HMCN2: variants seen among roughly 807,000 people sequenced by gnomAD.
HMCN2 encodes the protein hemicentin 2, also known as hemicentin-2.
In HMCN2, 325 loss-of-function variants were observed where a neutral mutation model predicts 377.5. The observed-to-expected ratio is 0.86, with a 90% CI of 0.79 to 0.94. The LOEUF (loss-of-function observed/expected upper bound fraction) is 0.94, where lower values mean the gene tolerates loss of function less well. Ranked by LOEUF, HMCN2 falls within the 40% of genes least tolerant of loss-of-function variation. HMCN2 has a pLI of 0.00. For synonymous variants in HMCN2, 2,007 were observed against 2,046.8 expected (o/e 0.98, Z 0.53); for missense variants, 4,543 against 4,725.3 (o/e 0.96, Z 1.13).
At position 130,349,429 on chromosome 9, in the gene HMCN2, G is replaced by A. The variant is rs185200956; in HGVS notation, c.4304-108G>A. On this transcript the variant is annotated intron_variant, in intron 28 of 97. Transcript: ENST00000683500. ...TTGGGGGGCTTCCCAGGAAGGTCAG[G>A]TAGGAGGGGGGCCCAGGCTGGGGGG... 27 of 1,197,244 alleles carry A rather than the reference G, an allele frequency of 2.3e-5. 1 individual carries two copies. The East Asian group carries it at 1.5e-3, about 67-fold the overall frequency. The allele number at this position is 1,197,244 out of a possible 1,614,324, so 74.2% of individuals were successfully genotyped here.
At chr9:130,391,613 C>T in intron 65 of HMCN2, 39 bp downstream of exon 65, 4 of 986,040 alleles carry the variant, frequency 4.1e-6, no homozygotes, top group Non-Finnish European at 4.8e-6. Flanking sequence ...GATGCGTGGG[C>T]CTGGGCACGG....
chr9:130,377,760 G>A lies in HMCN2; in HGVS notation c.8173G>A (p.Ala2725Thr), dbSNP rs774144649. The A allele has an allele frequency of 1.7e-5, 17 of 985,828 alleles. No homozygotes were observed. Among genetic ancestry groups the A allele is most frequent in the Non-Finnish European group, 2.0e-5 (17 of 829,988 alleles). The allele number at this position is 985,828 out of a possible 1,614,324, so 61.1% of individuals were successfully genotyped here. The change falls in exon 53 of 98, where the codon GCT (alanine) becomes ACT (threonine). Residue 2725 changes from alanine to threonine, a missense_variant. This residue lies in a region of HMCN2 where 736 missense variants were observed against 773.2 expected (regional missense o/e 0.95). Coordinates refer to ENST00000683500, the MANE Select transcript of HMCN2 (RefSeq NM_001291815.2). ...GRYLCVATNV[A>T]GEDDQDFNVL... ...GTACCTGTGTGTGGCCACCAATGTG[G>A]CTGGCGAGGACGACCAGGACTTCAA...
intron 32 of HMCN2, among the ~76,000 whole-genome samples, chr9:130,355,266 C>T (rs190457447): frequency 3.9e-5 from 6 of 152,302 alleles, no homozygotes; most frequent in African/African-American, 1.2e-4. Context: ...GGGTCCCTGA[C>T]TGTGCCCAGG....
Position 130,282,942 on chromosome 9 carries a change from A to G in HMCN2, c.260-1661A>G, listed in dbSNP as rs975761802. Reference sequence around the variant, plus strand: ...AAAAATTTGCTGGGTGTGGTGGCACATGACTGTGGTCCCAGCTACTCAGGG... The same window carrying G: ...AAAAATTTGCTGGGTGTGGTGGCACGTGACTGTGGTCCCAGCTACTCAGGG... On this transcript the variant is annotated intron_variant, in intron 1 of 97. Coordinates refer to ENST00000683500, the MANE Select transcript of HMCN2 (RefSeq NM_001291815.2). Among the ~76,000 whole-genome samples the G allele has an allele frequency of 6.6e-5, 10 of 152,132 alleles. No homozygotes were observed. In the South Asian group the frequency reaches 2.1e-3, roughly 31 times the overall value.
At chr9:130,289,278 T>C (rs2417165) in intron 4 of HMCN2, among the ~76,000 whole-genome samples, 116,962 of 152,122 alleles carry the variant, frequency 0.77, 45,947 homozygotes, top group East Asian at 0.97. Flanking sequence ...GTGAATTGCC[T>C]GTGTTCTGTG....
At position 130,351,291 on chromosome 9, in the gene HMCN2, G is replaced by T; in HGVS notation, c.4431-132G>T. On this transcript the variant is annotated intron_variant, in intron 29 of 97. Coordinates refer to ENST00000683500, the MANE Select transcript of HMCN2 (RefSeq NM_001291815.2). This position sits in a 1 kb window ranked among gnomAD's most constrained non-coding sequence, Gnocchi z 5.4. The stretch of plus-strand genomic sequence containing the variant: ...TCCATTCCTCGCTTACTGGGCCTTT[G>T]CATTGCTCCCACCTCTTGGCGCTAA... The T allele has an allele frequency of 1.9e-6, 1 of 525,382 alleles. No individual in the cohort carries two copies. The allele number at this position is 525,382 out of a possible 1,614,324, so 32.5% of individuals were successfully genotyped here.
chr9:130,375,922 C>A lies in HMCN2; in HGVS notation c.7851C>A (p.Gly2617=). The part of the protein sequence containing the change: ...QILNAQKEDA[G]QYTCVVTNEL... ...TGAATGCCCAGAAGGAAGATGCTGG[C>A]CAGTACACCTGCGTGGTCACCAATG... The change falls in exon 51 of 98, where the codon GGC becomes GGA. Residue 2617 remains glycine, a synonymous_variant. Coordinates refer to ENST00000683500, the MANE Select transcript of HMCN2 (RefSeq NM_001291815.2). The A allele has an allele frequency of 1.0e-6, 1 of 986,008 alleles. No homozygotes were observed. Among genetic ancestry groups the A allele is most frequent in the Non-Finnish European group, 1.2e-6 (1 of 830,046 alleles). 61.1% of individuals were successfully genotyped at this position (986,008 alleles called of 1,614,324 possible).
At chr9:130,406,521 G>A (rs1004151963) in intron 82 of HMCN2, 23 of 268,084 alleles carry the variant, frequency 8.6e-5, no homozygotes, top group African/African-American at 2.9e-4. Context: ...TCCTCCTACC[G>A]GAAACCCAGG....
Position 130,406,134 on chromosome 9 carries a change from C to T in HMCN2, c.12519C>T (p.Arg4173=), listed in dbSNP as rs1259493531. Residue 4173 remains arginine (R), a synonymous_variant, in exon 82 of 98, where the codon CGC becomes CGT. Transcript: ENST00000683500. ...RCAARGSPTP[R]IGWTVNDRPV... Reference sequence around the variant, plus strand: ...CAGCCCGGGGCAGCCCCACCCCTCGCATTGGCTGGACTGTCAACGACCGGC... The same window carrying T: ...CAGCCCGGGGCAGCCCCACCCCTCGTATTGGCTGGACTGTCAACGACCGGC... The T allele has an allele frequency of 7.8e-7, 1 of 1,289,730 alleles. No homozygotes were observed. The highest frequency in any genetic ancestry group is 2.3e-5 in the Admixed American group (1 of 43,554). The allele number at this position is 1,289,730 out of a possible 1,614,324, so 79.9% of individuals were successfully genotyped here.
intron 14 of HMCN2, 147 bp from the exon 15 acceptor site, chr9:130,309,765 C>G (rs1554938235): frequency 3.1e-6 from 1 of 322,200 alleles, no homozygotes; most frequent in East Asian, 9.4e-5. Flanking sequence ...GGGGTCCTGA[C>G]CTTGGGGCTT....
At chr9:130,372,988 G>GTC (rs1554959662) in intron 47 of HMCN2, 50 bp from the exon 48 acceptor site, 2 of 124,062 alleles carry the variant, frequency 1.6e-5, no homozygotes, top group South Asian at 2.8e-4. Flanking sequence ...GGGCGGGCCA[G>GTC]CCCCCCCCCC....
At chr9:130,380,702 C>T (rs1313455597) in intron 54 of HMCN2, among the ~76,000 whole-genome samples, 1 of 151,524 alleles carries the variant, frequency 6.6e-6, no homozygotes, top group African/African-American at 2.4e-5. Context: ...AAGGAGAATC[C>T]CTTAAGCCCA....
At chr9:130,343,715 C>T (rs1355663590) in intron 25 of HMCN2, among the ~76,000 whole-genome samples, 3 of 152,258 alleles carry the variant, frequency 2.0e-5, no homozygotes, top group Admixed American at 2.0e-4. Flanking sequence ...AGCCTGTCAG[C>T]CTCACCCAAA....
In HMCN2 at chr9:130,425,942, T is replaced by TGTTCCACCCCCACTGCCCC; in HGVS notation, c.13879+19_13879+37dup. On this transcript the variant is annotated intron_variant, in intron 90 of 97. Coordinates refer to ENST00000683500, the MANE Select transcript of HMCN2 (RefSeq NM_001291815.2). ...GCAGGCGGGTGAGGCCCCTCTGCTTTGTTCCACCCCCACTGCCCCAGCTAA... is the reference window on the plus strand; with the variant it reads ...GCAGGCGGGTGAGGCCCCTCTGCTTTGTTCCACCCCCACTGCCCCGTTCCACCCCCACTGCCCCAGCTAA... The TGTTCCACCCCCACTGCCCC allele has an allele frequency of 6.6e-7, 1 of 1,525,992 alleles. No homozygotes were observed. The highest frequency in any genetic ancestry group is 8.8e-7 in the Non-Finnish European group (1 of 1,129,976). 94.5% of individuals were successfully genotyped at this position (1,525,992 alleles called of 1,614,324 possible).
At chr9:130,376,889 TG>T (rs1267464911) in intron 52 of HMCN2, among the ~76,000 whole-genome samples, 2 of 152,052 alleles carry the variant, frequency 1.3e-5, no homozygotes, top group Non-Finnish European at 2.9e-5. Context: ...CTCTGCCTCC[TG>T]GGTTCAAGCA....
intron 30 of HMCN2, 63 bp from the exon 31 acceptor site, chr9:130,352,864 C>G: frequency 8.3e-7 from 1 of 1,197,946 alleles, no homozygotes; most frequent in Non-Finnish European, 1.1e-6. Context: ...GTCTGCTGCC[C>G]TGGGGAAGAT....
At chr9:130,359,510 T>C (rs546033770) in intron 37 of HMCN2, 96 bp downstream of exon 37, 5 of 487,106 alleles carry the variant, frequency 1.0e-5, no homozygotes, top group Non-Finnish European at 1.1e-5. Flanking sequence ...TTGGACATAA[T>C]GGGGAGAAAT....
At chr9:130,409,006 GT>G (rs1843265442) in intron 84 of HMCN2, 73 bp downstream of exon 84, 1 of 1,071,006 alleles carries the variant, frequency 9.3e-7, no homozygotes, top group Admixed American at 2.6e-5. Context: ...GTTCAAGAGG[GT>G]TCTTCCTATT....
At chr9:130,278,454 A>T (rs1400757826) in intron 1 of HMCN2, among the ~76,000 whole-genome samples, 1 of 151,554 alleles carries the variant, frequency 6.6e-6, no homozygotes, top group Non-Finnish European at 1.5e-5. Context: ...CAGTATAGTC[A>T]GTGGCAAAGG....
Sources: gnomAD v4.1 joint callset for allele counts (sites outside exome capture counted in the v4.1 genomes callset) on GRCh38, gnomAD v4.1.1 for gene constraint, gnomAD v4.1.1 regional missense constraint, Gnocchi (gnomAD v3.1) non-coding constraint, MANE v1.5 for transcripts, NCBI Gene and HGNC (gene_info 2026-07-23, HGNC 2026-07-21) for gene names.